Variants in DMD observed in about 807,000 individuals in gnomAD.
The protein encoded by DMD is mutant dystrophin.
In DMD, 63 loss-of-function variants were observed where a neutral mutation model predicts 330.1. The ratio of observed to expected loss-of-function variants is 0.19; its 90% CI spans 0.16 to 0.24. The LOEUF is 0.24. Ranked by LOEUF, DMD falls within the 10% of genes least tolerant of loss-of-function variation. DMD has a pLI of 1.00. For missense variants in DMD, 3,344 were observed against 2,684.1 expected, an observed-to-expected ratio of 1.25 and a Z score of -5.43; for synonymous variants, 1,223 against 959.8, an observed-to-expected ratio of 1.27 and a Z score of -5.07.
chrX:32,396,841 T>C (rs1478343377), intron 30 of DMD, among the ~76,000 whole-genome samples: 7 of 111,841 alleles, frequency 6.3e-5, no homozygotes, highest in Non-Finnish European at 1.1e-4. Context: ...TGTAATTAAC[T>C]TTTAGCTTGT....
At chrX:32,530,714 G>A (rs2047399379) in intron 17 of DMD, among the ~76,000 whole-genome samples, 1 of 112,010 alleles carries the variant, frequency 8.9e-6, no homozygotes, top group Admixed American at 9.5e-5. Flanking sequence ...GAAATAAAAT[G>A]CTGCTAAGCC....
chrX:32,727,440 C>T (rs1003955458), intron 7 of DMD, among the ~76,000 whole-genome samples: 1 of 110,986 alleles, frequency 9.0e-6, no homozygotes, highest in African/African-American at 3.3e-5. Flanking sequence ...ACTGACTAGA[C>T]CACCTTCTAA....
chrX:31,632,408 C>G (rs1331176907), intron 54 of DMD, among the ~76,000 whole-genome samples: 1 of 111,609 alleles, frequency 9.0e-6, no homozygotes, highest in African/African-American at 3.3e-5. Flanking sequence ...AAGGCTCAAT[C>G]TGATATGAAA....
chrX:31,202,582 T>C (rs1480642185), intron 67 of DMD, among the ~76,000 whole-genome samples: 3 of 112,044 alleles, frequency 2.7e-5, no homozygotes, highest in African/African-American at 9.7e-5. Flanking sequence ...CACCTAAATA[T>C]TCACAGTGAT....
intron 1 of DMD, among the ~76,000 whole-genome samples, chrX:33,170,778 G>A (rs1440388692): frequency 8.9e-6 from 1 of 111,732 alleles, no homozygotes; most frequent in East Asian, 2.8e-4. Flanking sequence ...CTTCACAGAA[G>A]TAGACAATAT....
chrX:32,460,122 A>G (rs968819207), intron 25 of DMD, among the ~76,000 whole-genome samples: 6 of 111,217 alleles, frequency 5.4e-5, no homozygotes, highest in Non-Finnish European at 1.1e-4. Flanking sequence ...ATATGAAAAA[A>G]AAATTCCACA....
At chrX:32,559,395 A>T (rs1336136332) in intron 16 of DMD, among the ~76,000 whole-genome samples, 1 of 112,098 alleles carries the variant, frequency 8.9e-6, no homozygotes, top group East Asian at 2.8e-4. Flanking sequence ...CCAGATTTTA[A>T]AAAATTATTT....
At chrX:32,225,790 G>A (rs1170752407) in intron 43 of DMD, among the ~76,000 whole-genome samples, 2 of 107,872 alleles carry the variant, frequency 1.9e-5, no homozygotes, top group African/African-American at 6.8e-5. Context: ...CTTCCACCAT[G>A]AGTAAAAGCT....
chrX:31,729,900 A>C, intron 51 of DMD, 152 bp from the exon 52 acceptor site: 2 of 463,658 alleles, frequency 4.3e-6, no homozygotes. Context: ...AAAACAATTT[A>C]ACAGGAAATA....
In DMD at chrX:32,958,534, T is replaced by TA. The variant is rs774211871; in HGVS notation, c.93+61604dup. On this transcript the variant is annotated intron_variant, in intron 2 of 78. Coordinates refer to ENST00000357033, the MANE Select transcript of DMD (RefSeq NM_004006.3). ...TAATGGAAAACCCTTCCACTTATTATATCTCTAAGTTATCTAACAATCATG... is the reference window on the plus strand; with the variant it reads ...TAATGGAAAACCCTTCCACTTATTATAATCTCTAAGTTATCTAACAATCATG... 2.7e-5 allele frequency among the ~76,000 whole-genome samples: 3 copies of TA among 111,330 alleles called. No individual in the cohort carries two copies. In the East Asian group the frequency reaches 8.5e-4, roughly 31 times the overall value.
intron 39 of DMD, among the ~76,000 whole-genome samples, chrX:32,344,304 C>A: frequency 9.0e-6 from 1 of 111,559 alleles, no homozygotes; most frequent in Middle Eastern, 4.7e-3. Context: ...TTGACCTTCT[C>A]TAAAATATTT....
At chrX:33,235,124 T>C (rs73623928) in intron 1 of DMD, among the ~76,000 whole-genome samples, 242 of 111,906 alleles carry the variant, frequency 2.2e-3, no homozygotes, top group African/African-American at 7.5e-3. Flanking sequence ...CGTTAAGGGA[T>C]GGAGAAAGGC....
intron 45 of DMD, among the ~76,000 whole-genome samples, chrX:31,949,072 C>A (rs2095125455): frequency 9.0e-6 from 1 of 111,306 alleles, no homozygotes; most frequent in African/African-American, 3.3e-5. Context: ...AGTCCTCTAA[C>A]TTTTTTCTTC....
chrX:32,866,994 A>T (rs1186222100), intron 2 of DMD, among the ~76,000 whole-genome samples: 1 of 111,402 alleles, frequency 9.0e-6, no homozygotes, highest in Non-Finnish European at 1.9e-5. Context: ...TCGGCCTCCC[A>T]AAGTGCTGGG....
chrX:31,584,119 T>C (rs2076473464), intron 55 of DMD, among the ~76,000 whole-genome samples: 1 of 109,886 alleles, frequency 9.1e-6, no homozygotes, highest in African/African-American at 3.3e-5. Flanking sequence ...TAGTATTCCA[T>C]GGTGTATATG....
intron 49 of DMD, among the ~76,000 whole-genome samples, chrX:31,826,122 A>G (rs886430144): frequency 1.8e-5 from 2 of 112,041 alleles, no homozygotes; most frequent in Admixed American, 9.5e-5. Context: ...TGTACATGCA[A>G]TTTCTCTTTT....
chrX:32,136,552 TAAACAAAACAAAACAAAACA>T (rs59128114), intron 44 of DMD, among the ~76,000 whole-genome samples: 139 of 100,571 alleles, frequency 1.4e-3, no homozygotes, highest in Non-Finnish European at 2.3e-3. Context: ...CAACAGAGAT[TAAACAAAACAAAACAAAACA>T]AAACAAAACA....
At chrX:33,312,992 G>A (rs1245725406) in intron 1 of DMD, among the ~76,000 whole-genome samples, 3 of 111,132 alleles carry the variant, frequency 2.7e-5, no homozygotes, top group Non-Finnish European at 5.7e-5. Context: ...TAAATACACC[G>A]CTGAAAGGAC....
chrX:31,258,501 T>C (rs1417141617), intron 63 of DMD, among the ~76,000 whole-genome samples: 1 of 112,893 alleles, frequency 8.9e-6, no homozygotes, highest in African/African-American at 3.2e-5. Context: ...GGTTTGTTAT[T>C]GGGCTAGCAA....
Sources: allele counts gnomAD v4.1 joint callset (sites outside exome capture counted in the v4.1 genomes callset), GRCh38; gene constraint gnomAD v4.1.1; transcripts MANE v1.5; gene names NCBI Gene and HGNC (gene_info 2026-07-23, HGNC 2026-07-21).